The following RIMS2 variants were observed in gnomAD, a reference collection of about 807,000 sequenced individuals.
The protein encoded by RIMS2 is regulating synaptic membrane exocytosis 2.
In RIMS2, 59 loss-of-function variants were observed where a neutral mutation model predicts 174.4. The ratio of observed to expected loss-of-function variants is 0.34; its 90% CI spans 0.27 to 0.42. The LOEUF (loss-of-function observed/expected upper bound fraction) is 0.42. RIMS2 is among the 10% of genes least tolerant of loss of function. RIMS2 has a pLI of 1.00. For missense variants in RIMS2, 1,620 were observed against 1,666.3 expected (o/e 0.97, Z 0.48); for synonymous variants, 606 against 572.5 (o/e 1.06, Z -0.84).
chr8:103,782,839 T>C (rs1024813972), intron 3 of RIMS2, among the ~76,000 whole-genome samples: 1 of 152,226 alleles, frequency 6.6e-6, no homozygotes, highest in African/African-American at 2.4e-5. Context: ...TTTTGGTCTT[T>C]ATTTACATGG....
intron 1 of RIMS2, among the ~76,000 whole-genome samples, chr8:103,610,536 A>T (rs1433383845): frequency 6.6e-6 from 1 of 152,192 alleles, no homozygotes; most frequent in East Asian, 1.9e-4. Context: ...GGTTTTTAAC[A>T]TGAAGGGATG....
chr8:103,534,118 G>C (rs1280115233), intron 1 of RIMS2, among the ~76,000 whole-genome samples: 2 of 152,176 alleles, frequency 1.3e-5, no homozygotes, highest in African/African-American at 4.8e-5. Context: ...AAATTTCTGT[G>C]TTCAACTTAG....
intron 19 of RIMS2, among the ~76,000 whole-genome samples, chr8:104,168,159 G>A (rs2098808835): frequency 6.6e-6 from 1 of 151,774 alleles, no homozygotes; most frequent in South Asian, 2.1e-4. Flanking sequence ...TCTCTTTTTT[G>A]GTTCCATATA....
At chr8:104,235,875 G>A (rs1475499770) in intron 19 of RIMS2, among the ~76,000 whole-genome samples, 6 of 151,898 alleles carry the variant, frequency 4.0e-5, no homozygotes, top group African/African-American at 1.5e-4. Flanking sequence ...CTTCAGTTCA[G>A]TTGTCCCCCA....
intron 17 of RIMS2, among the ~76,000 whole-genome samples, chr8:103,994,968 A>G (rs1030093963): frequency 2.0e-5 from 3 of 152,002 alleles, no homozygotes; most frequent in African/African-American, 7.2e-5. Context: ...TGAAATTTAC[A>G]TATTTTCTGT....
intron 19 of RIMS2, among the ~76,000 whole-genome samples, chr8:104,213,615 G>A (rs1360657413): frequency 6.6e-6 from 1 of 152,138 alleles, no homozygotes; most frequent in East Asian, 1.9e-4. Flanking sequence ...AGTGGCTGAT[G>A]CCTTTAATCC....
In RIMS2 at chr8:104,222,559, A is replaced by T. The variant is rs571435527; in HGVS notation, c.3335-22357A>T. Among the ~76,000 whole-genome samples the T allele has an allele frequency of 6.4e-4, 98 of 152,172 alleles. 1 individual carries two copies. The highest frequency in any genetic ancestry group is 1.3e-3 in the Non-Finnish European group (90 of 68,024). ...ACAGAGGTGGGATGACTTGTCTCAGATTACAAAAAGTAAGGCAGTCATCTG... is the reference window on the plus strand; with the variant it reads ...ACAGAGGTGGGATGACTTGTCTCAGTTTACAAAAAGTAAGGCAGTCATCTG... On this transcript the variant is annotated intron_variant, in intron 19 of 23. Coordinates refer to ENST00000504942, the Ensembl canonical transcript of RIMS2.
At chr8:103,647,881 ATTGATTTTTTT>A (rs1455838924) in intron 1 of RIMS2, among the ~76,000 whole-genome samples, 3 of 136,442 alleles carry the variant, frequency 2.2e-5, no homozygotes, top group South Asian at 2.2e-4. Context: ...TGCTGGGTTC[ATTGATTTTTTT>A]TTGATTTTTT....
chr8:104,144,761 A>G (rs2098617601), intron 19 of RIMS2, among the ~76,000 whole-genome samples: 1 of 152,102 alleles, frequency 6.6e-6, no homozygotes, highest in Admixed American at 6.6e-5. Context: ...TTTTGTGCAG[A>G]TGACTGGCGC....
intron 1 of RIMS2, among the ~76,000 whole-genome samples, chr8:103,658,277 C>A (rs1353358226): frequency 6.6e-6 from 1 of 152,140 alleles, no homozygotes; most frequent in Non-Finnish European, 1.5e-5. Context: ...GAGATTTTTG[C>A]CTTCTCTTAG....
At chr8:104,128,650 T>C (rs2098450184) in intron 19 of RIMS2, among the ~76,000 whole-genome samples, 1 of 152,080 alleles carries the variant, frequency 6.6e-6, no homozygotes, top group Admixed American at 6.6e-5. Flanking sequence ...TGAGCCAAGA[T>C]CGCGCCATTG....
exon 1 of RIMS2, chr8:103,500,930 C>A (rs1229440695): frequency 1.9e-6 from 3 of 1,607,912 alleles, no homozygotes; most frequent in Non-Finnish European, 2.5e-6. Flanking sequence ...GCTCCCATCC[C>A]GGCGGCCTCT....
chr8:103,609,869 A>G (rs978558871), intron 1 of RIMS2, among the ~76,000 whole-genome samples: 7 of 152,196 alleles, frequency 4.6e-5, no homozygotes, highest in South Asian at 2.1e-4. Flanking sequence ...TCTGTGAAGT[A>G]TGTCATTGGT....
At chr8:103,583,188 T>C (rs1278730526) in intron 1 of RIMS2, among the ~76,000 whole-genome samples, 1 of 152,242 alleles carries the variant, frequency 6.6e-6, no homozygotes, top group Non-Finnish European at 1.5e-5. Flanking sequence ...ATTCTCAAGG[T>C]GGTACCTCTA....
chr8:103,888,954 G>A (rs2099224954), intron 4 of RIMS2, among the ~76,000 whole-genome samples: 1 of 151,588 alleles, frequency 6.6e-6, no homozygotes, highest in East Asian at 1.9e-4. Flanking sequence ...GAATAAACTT[G>A]AATGAAGTAA....
intron 1 of RIMS2, among the ~76,000 whole-genome samples, chr8:103,608,593 G>T (rs1241920358): frequency 6.7e-6 from 1 of 148,484 alleles, no homozygotes; most frequent in Non-Finnish European, 1.5e-5. Context: ...CCCCAGCCTC[G>T]CTGCCGCCTT....
intron 3 of RIMS2, among the ~76,000 whole-genome samples, chr8:103,783,752 G>C (rs1461470304): frequency 6.6e-6 from 1 of 151,010 alleles, no homozygotes; most frequent in Admixed American, 6.6e-5. Context: ...CTTTATAGCA[G>C]CATGATTTAT....
chr8:104,070,527 T>A lies in RIMS2; in HGVS notation c.3334+55912T>A, dbSNP rs141056111. On this transcript the variant is annotated intron_variant, in intron 19 of 23. Transcript: ENST00000504942. ...TTTGAGTTGGATATCAGAAATGATA[T>A]CTGTGTTTTTCATTTGTTTGTTTTG... Among the ~76,000 whole-genome samples, 77 of 152,346 alleles carry A rather than the reference T, an allele frequency of 5.1e-4. No individual in the cohort carries two copies. In the East Asian group the frequency reaches 0.012, roughly 24 times the overall value.
chr8:103,605,679 C>G (rs1238364492), intron 1 of RIMS2, among the ~76,000 whole-genome samples: 1 of 152,158 alleles, frequency 6.6e-6, no homozygotes, highest in Non-Finnish European at 1.5e-5. Flanking sequence ...AATTTCTGAT[C>G]CTGTTATTGA....
Sources: gnomAD v4.1 joint callset for allele counts (sites outside exome capture counted in the v4.1 genomes callset) on GRCh38, gnomAD v4.1.1 for gene constraint, MANE v1.5 for transcripts, NCBI Gene and HGNC (gene_info 2026-07-23, HGNC 2026-07-21) for gene names.